ZNF438: variants seen among roughly 807,000 people sequenced by gnomAD.
ZNF438 encodes the protein zinc finger protein 438.
Under a neutral mutation model 38.0 loss-of-function variants are expected in ZNF438, and 25 were observed. The ratio of observed to expected loss-of-function variants is 0.66; its 90% confidence interval spans 0.48 to 0.92. ZNF438 has a LOEUF of 0.92. Ranked by LOEUF, ZNF438 falls within the 40% of genes least tolerant of loss-of-function variation. The probability of loss-of-function intolerance (pLI) is 0.00; values close to 1 mark genes in which losing one functional copy is unlikely to be tolerated. For missense variants in ZNF438, 1,007 were observed against 999.6 expected (o/e 1.01, Z -0.10); for synonymous variants, 372 against 364.1 (o/e 1.02, Z -0.25).
chr10:30,969,621 G>A (rs1418923549), intron 1 of ZNF438, among the ~76,000 whole-genome samples: 2 of 152,126 alleles, frequency 1.3e-5, no homozygotes, highest in South Asian at 2.1e-4. Context: ...CCATTAGAAT[G>A]TGGACCCCGA....
chr10:30,958,844 A>T lies in ZNF438; in HGVS notation c.-191-17193T>A, dbSNP rs953693179. On this transcript the variant is annotated intron_variant, in intron 1 of 5. Transcript: ENST00000413025. ...TATTGAGTCTAGTTCCTTTCACTCAACACTATATTTTTTAGTTTCATCCAT... is the reference window on the plus strand; with the variant it reads ...TATTGAGTCTAGTTCCTTTCACTCATCACTATATTTTTTAGTTTCATCCAT... Among the ~76,000 whole-genome samples the T allele has an allele frequency of 2.1e-4, 31 of 147,122 alleles. 1 individual carries two copies. The highest frequency in any genetic ancestry group is 7.3e-4 in the African/African-American group (30 of 41,072).
At chr10:31,000,346 G>A (rs2054521930) in intron 1 of ZNF438, among the ~76,000 whole-genome samples, 1 of 152,182 alleles carries the variant, frequency 6.6e-6, no homozygotes, top group Admixed American at 6.5e-5. Flanking sequence ...CTTGGGAGCA[G>A]AATCTGAGGC....
At chr10:30,849,858 C>G in exon 5 of ZNF438, 1 of 1,614,106 alleles carries the variant, frequency 6.2e-7, no homozygotes, top group Non-Finnish European at 8.5e-7. Flanking sequence ...GGGGCTTGCT[C>G]TAGTGATGGT....
intron 2 of ZNF438, among the ~76,000 whole-genome samples, chr10:30,930,397 G>A (rs73252622): frequency 0.012 from 1,851 of 152,138 alleles, 43 homozygotes; most frequent in African/African-American, 0.041. Context: ...GCAGTGCGCA[G>A]CCCCGGTTCC....
chr10:30,949,813 C>T (rs1308049073), intron 1 of ZNF438, among the ~76,000 whole-genome samples: 2 of 151,590 alleles, frequency 1.3e-5, no homozygotes, highest in Non-Finnish European at 3.0e-5. Flanking sequence ...CTTTAACACC[C>T]CACTGTCAAC....
At chr10:30,849,053 G>A (rs2032994275) in exon 5 of ZNF438, 5 of 1,614,160 alleles carry the variant, frequency 3.1e-6, no homozygotes, top group East Asian at 2.2e-5. Context: ...AGTTGGAGAA[G>A]CCAGGGAGGC....
chr10:30,873,953 T>A (rs1237015798), intron 4 of ZNF438, among the ~76,000 whole-genome samples: 1 of 152,030 alleles, frequency 6.6e-6, no homozygotes, highest in Non-Finnish European at 1.5e-5. Flanking sequence ...GGTATCATAA[T>A]TTATAGCTAG....
chr10:31,003,907 C>G (rs1157936622), intron 1 of ZNF438, among the ~76,000 whole-genome samples: 1 of 152,102 alleles, frequency 6.6e-6, no homozygotes, highest in Non-Finnish European at 1.5e-5. Flanking sequence ...ATCTGAAAAT[C>G]TGGGGGGAGA....
chr10:31,024,249 T>G (rs2056794270), intron 1 of ZNF438, among the ~76,000 whole-genome samples: 1 of 152,256 alleles, frequency 6.6e-6, no homozygotes, highest in Admixed American at 6.5e-5. Context: ...CAACTTCTTT[T>G]TCTATAAAAT....
intron 1 of ZNF438, among the ~76,000 whole-genome samples, chr10:30,954,916 A>C (rs1251697830): frequency 6.6e-6 from 1 of 152,226 alleles, no homozygotes; most frequent in Non-Finnish European, 1.5e-5. Flanking sequence ...GATGACTCTA[A>C]ATTGAGAGAG....
intron 1 of ZNF438, among the ~76,000 whole-genome samples, chr10:31,012,111 A>ATTTTCTTTTTTTT (rs779083095): frequency 7.1e-6 from 1 of 141,310 alleles, no homozygotes; most frequent in African/African-American, 2.6e-5. Context: ...CCCTGATCTC[A>ATTTTCTTTTTTTT]TTTTCTTTTT....
intron 1 of ZNF438, among the ~76,000 whole-genome samples, chr10:31,000,927 T>C (rs923164648): frequency 1.4e-4 from 22 of 152,244 alleles, no homozygotes; most frequent in Non-Finnish European, 3.1e-4. Context: ...ACCTTTCTGT[T>C]CATGCTTTTC....
At chr10:30,915,280 T>C (rs866627383) in intron 2 of ZNF438, among the ~76,000 whole-genome samples, 5 of 152,076 alleles carry the variant, frequency 3.3e-5, no homozygotes, top group Non-Finnish European at 7.4e-5. Context: ...ATAATATTCA[T>C]GGTCATTCCT....
intron 1 of ZNF438, among the ~76,000 whole-genome samples, chr10:31,029,896 G>A (rs1431557283): frequency 1.3e-5 from 2 of 152,178 alleles, no homozygotes; most frequent in Non-Finnish European, 2.9e-5. Context: ...TTCCTGCTGT[G>A]AGGCCGAAAA....
chr10:30,956,380 A>G (rs2048865214), intron 1 of ZNF438, among the ~76,000 whole-genome samples: 1 of 152,356 alleles, frequency 6.6e-6, no homozygotes, highest in Non-Finnish European at 1.5e-5. Flanking sequence ...GTATATATTT[A>G]TGGAATACAG....
intron 3 of ZNF438, among the ~76,000 whole-genome samples, chr10:30,902,940 G>A (rs932676576): frequency 6.6e-6 from 1 of 152,220 alleles, no homozygotes; most frequent in African/African-American, 2.4e-5. Context: ...GCTGCAGGTA[G>A]GCCTTCCCTG....
chr10:30,901,346 C>T (rs2041956054), intron 3 of ZNF438, among the ~76,000 whole-genome samples: 1 of 152,138 alleles, frequency 6.6e-6, no homozygotes, highest in Non-Finnish European at 1.5e-5. Flanking sequence ...GGTTCTTGGT[C>T]TCACTGACTT....
intron 1 of ZNF438, among the ~76,000 whole-genome samples, chr10:31,018,173 T>G (rs1344142331): frequency 6.6e-6 from 1 of 152,208 alleles, no homozygotes; most frequent in Non-Finnish European, 1.5e-5. Context: ...TCTTGCTGTT[T>G]GGCACAGAGA....
At chr10:30,924,035 A>G (rs527560543) in intron 2 of ZNF438, among the ~76,000 whole-genome samples, 1 of 152,326 alleles carries the variant, frequency 6.6e-6, no homozygotes, top group South Asian at 2.1e-4. Context: ...ATTTCTACAA[A>G]AGTTATTTGT....
Sources: allele counts gnomAD v4.1 joint callset (sites outside exome capture counted in the v4.1 genomes callset), GRCh38; gene constraint gnomAD v4.1.1; transcripts MANE v1.5; gene names NCBI Gene and HGNC (gene_info 2026-07-23, HGNC 2026-07-21).